The following NUP85 variants were observed in gnomAD, a reference collection of about 807,000 sequenced individuals.
The protein encoded by NUP85 is nuclear pore complex protein Nup85.
NUP85 carries 23 observed loss-of-function variants against 92.8 expected under a neutral mutation model. The observed-to-expected ratio is 0.25, with a 90% confidence interval of 0.18 to 0.35. The LOEUF is 0.35. Among genes scored for constraint, NUP85 ranks in the 10% least tolerant of loss-of-function variants. The pLI is 1.00. For missense variants in NUP85, 759 were observed against 822.8 expected (o/e 0.92, Z 0.95); for synonymous variants, 314 against 306.9 (o/e 1.02, Z -0.24).
At chr17:75,232,076 C>T in intron 14 of NUP85, 97 bp downstream of exon 14, 1 of 1,324,308 alleles carries the variant, frequency 7.6e-7, no homozygotes, top group Non-Finnish European at 1.0e-6. Flanking sequence ...TCCTCCTCCT[C>T]ACGAGCCACA....
intron 14 of NUP85, 104 bp from the exon 15 acceptor site, chr17:75,232,747 C>G (rs1349287682): frequency 1.1e-6 from 1 of 952,364 alleles, no homozygotes; most frequent in Non-Finnish European, 1.7e-6. Context: ...AAGAGTGGCT[C>G]TGCGGTGGAG....
chr17:75,229,028 G>C, intron 11 of NUP85: 17 of 985,494 alleles, frequency 1.7e-5, no homozygotes, highest in Non-Finnish European at 2.0e-5. Context: ...GTTCCTTGCT[G>C]TCTGGCAAGA....
At chr17:75,228,363 A>C (rs1244847942) in intron 11 of NUP85, 7 of 985,310 alleles carry the variant, frequency 7.1e-6, no homozygotes, top group Non-Finnish European at 8.4e-6. Context: ...CACTCTCACA[A>C]GCAGGAAGGG....
intron 11 of NUP85, among the ~76,000 whole-genome samples, chr17:75,230,415 A>G (rs1732326514): frequency 6.8e-6 from 1 of 147,836 alleles, no homozygotes; most frequent in African/African-American, 2.6e-5. Context: ...GCCGGAGTAC[A>G]ATGGCGCGAT....
rs1555666950 is a variant in NUP85 at position 75,230,364 on chromosome 17, T to TTG, written c.1095-975_1095-974insGT. ...CCAAGGTGTACAACATGTTTTTTGT[T>TTG]TTTTTTTTTTTTTGAGATGGAGTCT... On this transcript the variant is annotated intron_variant, in intron 11 of 18. Transcript: ENST00000245544. Among the ~76,000 whole-genome samples the TTG allele has an allele frequency of 3.7e-3, 543 of 147,010 alleles. 8 individuals carry two copies. The highest frequency in any genetic ancestry group is 0.013 in the African/African-American group (528 of 39,756).
chr17:75,215,904 T>G (rs1598282343), intron 6 of NUP85, 81 bp downstream of exon 6: 1 of 1,196,732 alleles, frequency 8.4e-7, no homozygotes, highest in African/African-American at 1.5e-5. Flanking sequence ...CTGTGCATGG[T>G]GATGAGTGTT....
At chr17:75,227,643 G>GT (rs549759496) in intron 11 of NUP85, among the ~76,000 whole-genome samples, 1,506 of 139,678 alleles carry the variant, frequency 0.011, 8 homozygotes, top group African/African-American at 0.022. Context: ...GCCCTGCCAA[G>GT]TTTTTTTTTT....
intron 11 of NUP85, 129 bp downstream of exon 11, chr17:75,226,286 G>A (rs2075791755): frequency 2.2e-5 from 15 of 674,186 alleles, no homozygotes; most frequent in Non-Finnish European, 3.9e-5. Flanking sequence ...TCCATCTCAC[G>A]CTGATATTAC....
chr17:75,222,397 A>G (rs1412302391), intron 7 of NUP85, among the ~76,000 whole-genome samples: 1 of 151,854 alleles, frequency 6.6e-6, no homozygotes, highest in Admixed American at 6.6e-5. Flanking sequence ...GATGTTGACT[A>G]GGCACTTGGA....
intron 7 of NUP85, among the ~76,000 whole-genome samples, chr17:75,220,910 C>T (rs1335721541): frequency 3.9e-5 from 5 of 127,520 alleles, no homozygotes; most frequent in African/African-American, 1.4e-4. Flanking sequence ...TAGCTGGAGT[C>T]TCGCTCTATT....
In NUP85 at chr17:75,225,702, T is replaced by C; in HGVS notation, c.860T>C (p.Met287Thr). The part of the protein sequence containing the change: ...SPHLESLLKI[M>T]LGDEAALLEQ... Reference sequence around the variant, plus strand: ...AGCACAAATGTCTCTCCTCAGATTATGCTGGGAGACGAAGCTGCCTTGTTA... The same window carrying C: ...AGCACAAATGTCTCTCCTCAGATTACGCTGGGAGACGAAGCTGCCTTGTTA... Residue 287 changes from methionine to threonine, a missense_variant, in exon 10 of 19, where the codon ATG becomes ACG. Physicochemically the swap from Met to Thr is moderately conservative, Grantham distance 81. Transcript: ENST00000245544. The C allele has an allele frequency of 6.2e-7, 1 of 1,614,200 alleles. No homozygotes were observed.
Position 75,226,095 on chromosome 17 carries a change from C to T in NUP85, c.1032C>T (p.Pro344=), listed in dbSNP as rs774477424. The part of the protein sequence containing the change: ...LFLGGESSPE[P]LDNILLAAFE... ...TGGGAGGTGAGAGCAGCCCAGAACC[C>T]CTGGACAACATCTTGTTGGCAGCCT... The change falls in exon 11 of 19, where the codon CCC becomes CCT. Residue 344 remains proline (P), a synonymous_variant. Coordinates refer to ENST00000245544, the MANE Select transcript of NUP85 (RefSeq NM_024844.5). 1.2e-6 allele frequency: 2 copies of T among 1,613,998 alleles called. No individual in the cohort carries two copies. Among genetic ancestry groups the T allele is most frequent in the East Asian group, 4.5e-5 (2 of 44,878 alleles).
At chr17:75,223,897 G>A (rs2075674890) in intron 7 of NUP85, among the ~76,000 whole-genome samples, 1 of 152,090 alleles carries the variant, frequency 6.6e-6, no homozygotes, top group Admixed American at 6.6e-5. Context: ...TTTCCAGATA[G>A]TGGTGACAGT....
intron 4 of NUP85, among the ~76,000 whole-genome samples, chr17:75,212,362 A>AGGTT (rs2075302479): frequency 6.9e-6 from 1 of 143,950 alleles, no homozygotes; most frequent in African/African-American, 2.6e-5. Context: ...TCCACCTCCC[A>AGGTT]GGTTCAAACG....
intron 4 of NUP85, 131 bp from the exon 5 acceptor site, chr17:75,212,945 G>T: frequency 1.1e-6 from 1 of 884,596 alleles, no homozygotes; most frequent in Non-Finnish European, 1.7e-6. Flanking sequence ...ATAATTAAAA[G>T]AGATTATAAT....
chr17:75,228,603 A>G (rs1367120617), intron 11 of NUP85: 3 of 984,956 alleles, frequency 3.0e-6, no homozygotes, highest in African/African-American at 1.7e-5. Flanking sequence ...GGGATGTATC[A>G]GTCAGACCCA....
chr17:75,219,041 A>G (rs888188708), intron 7 of NUP85, among the ~76,000 whole-genome samples: 6 of 152,084 alleles, frequency 3.9e-5, no homozygotes, highest in African/African-American at 1.4e-4. Context: ...TGTATTTTCT[A>G]TGTGTTAGGT....
rs751864770 is a variant in NUP85, at chr17:75,205,751, G to A, written c.-11G>A. 2.5e-6 allele frequency: 4 copies of A among 1,614,196 alleles called. No homozygotes were observed. The South Asian group carries it at 3.3e-5, about 13-fold the overall frequency. On this transcript the variant is annotated 5_prime_UTR_variant, in exon 1 of 19. Transcript: ENST00000245544. ...GTCCGAGCGACTTCTAGGAGCCTGG[G>A]GTTCGGCGCTATGGAGGAGCTCGAT...
At position 75,231,275 on chromosome 17, in the gene NUP85, C is replaced by T; in HGVS notation, c.1095-65C>T. The T allele has an allele frequency of 3.3e-6, 5 of 1,511,676 alleles. No individual in the cohort carries two copies. Among genetic ancestry groups the T allele is most frequent in the Non-Finnish European group, 4.6e-6 (5 of 1,087,972 alleles). The allele number at this position is 1,511,676 out of a possible 1,614,324, so 93.6% of individuals were successfully genotyped here. A position where few individuals can be genotyped will look rare whatever the true frequency, so the allele number is the denominator to read the frequency against. ...GGACATGTGGGGTTTCTTGCTCACC[C>T]CCACTCTTGTGGGACGCGGCCTGTG... On this transcript the variant is annotated intron_variant, in intron 11 of 18. Transcript: ENST00000245544. This position sits in a 1 kb window ranked among gnomAD's most constrained non-coding sequence, Gnocchi z 4.6.
Sources: gnomAD v4.1 joint callset for allele counts (sites outside exome capture counted in the v4.1 genomes callset) on GRCh38, gnomAD v4.1.1 for gene constraint, Gnocchi (gnomAD v3.1) non-coding constraint, MANE v1.5 for transcripts, NCBI Gene and HGNC (gene_info 2026-07-23, HGNC 2026-07-21) for gene names.